PNPLA7: variants seen among roughly 807,000 people sequenced by gnomAD.
PNPLA7 encodes patatin-like phospholipase domain-containing protein 7.
Under a neutral mutation model 161.7 loss-of-function variants are expected in PNPLA7, and 153 were observed. That is an observed-to-expected ratio of 0.95 (90% confidence interval 0.83 to 1.08). The LOEUF is 1.08. Among genes scored for constraint, PNPLA7 ranks in the 50% least tolerant of loss-of-function variants. PNPLA7 has a pLI of 0.00. For synonymous variants in PNPLA7, 809 were observed against 782.1 expected (o/e 1.03, Z -0.57); for missense variants, 1,739 against 1,856.6 (o/e 0.94, Z 1.16).
In PNPLA7 at chr9:137,478,054, C is replaced by G; in HGVS notation, c.2862G>C (p.Val954=). 7.0e-7 allele frequency: 1 copy of G among 1,434,472 alleles called. No homozygotes were observed. Among genetic ancestry groups the G allele is most frequent in the Non-Finnish European group, 9.2e-7 (1 of 1,090,482 alleles). 88.9% of individuals were successfully genotyped at this position (1,434,472 alleles called of 1,614,324 possible). A position where few individuals can be genotyped will look rare whatever the true frequency, so the allele number is the denominator to read the frequency against. Residue 954 remains valine, a synonymous_variant, in exon 25 of 35, where the codon GTG becomes GTC. Transcript: ENST00000406427. The part of the protein sequence containing the change: ...RVLTGNAIAL[V]LGGGGARGCA... ...CTCACCTTGCTCCCCCTCCCCCAAG[C>G]ACCAGGGCAATGGCGTTGCCCGTCA...
chr9:137,545,674 A>G (rs1269503630), intron 4 of PNPLA7, among the ~76,000 whole-genome samples: 1 of 152,242 alleles, frequency 6.6e-6, no homozygotes, highest in Non-Finnish European at 1.5e-5. Flanking sequence ...CCAATATTAT[A>G]ATAATCCTCA....
chr9:137,463,340 C>T, intron 29 of PNPLA7, 75 bp downstream of exon 29: 4 of 1,310,706 alleles, frequency 3.1e-6, no homozygotes, highest in Non-Finnish European at 4.3e-6. Flanking sequence ...GCGGAGGCAG[C>T]TGTGGCAGGG....
intron 11 of PNPLA7, among the ~76,000 whole-genome samples, chr9:137,515,850 CA>C (rs1269526988): frequency 1.6e-5 from 1 of 62,166 alleles, no homozygotes; most frequent in African/African-American, 6.9e-5. Flanking sequence ...CCCCTCCCCC[CA>C]ATCCCTCTCC....
rs1564352552 is a variant in PNPLA7, at chr9:137,524,223, G to GC, written c.748-1367_748-1366insG. Among the ~76,000 whole-genome samples, 9 of 152,224 alleles carry GC rather than the reference G, an allele frequency of 5.9e-5. No homozygotes were observed. Among genetic ancestry groups the GC allele is most frequent in the African/African-American group, 2.2e-4 (9 of 41,450 alleles). ...ACAGAGTGTGGAGGCTTCCCTCAGC[G>GC]GTGTGACACACTCGAGATTCCCCCA... On this transcript the variant is annotated intron_variant, in intron 8 of 34. Coordinates refer to ENST00000406427, the MANE Select transcript of PNPLA7 (RefSeq NM_001098537.3). This position sits in a 1 kb window ranked among gnomAD's most constrained non-coding sequence, Gnocchi z 4.4.
chr9:137,508,424 G>A (rs1479783832), intron 12 of PNPLA7, among the ~76,000 whole-genome samples: 2 of 151,840 alleles, frequency 1.3e-5, no homozygotes, highest in Non-Finnish European at 2.9e-5. Flanking sequence ...AAAATTAGCT[G>A]GGCATGGTGG....
chr9:137,531,219 A>G (rs1332832241), intron 8 of PNPLA7, among the ~76,000 whole-genome samples: 1 of 152,066 alleles, frequency 6.6e-6, no homozygotes, highest in African/African-American at 2.4e-5. Flanking sequence ...CTCAAGGGAG[A>G]GACACCCCCA....
At chr9:137,501,473 C>T (rs1034900932) in intron 15 of PNPLA7, among the ~76,000 whole-genome samples, 177 bp downstream of exon 15, 1 of 152,218 alleles carries the variant, frequency 6.6e-6, no homozygotes, top group Non-Finnish European at 1.5e-5. Context: ...ACACAGCTCT[C>T]AGGGCTCAGG....
intron 20 of PNPLA7, chr9:137,492,419 G>T: frequency 2.5e-5 from 5 of 197,438 alleles, no homozygotes; most frequent in East Asian, 2.3e-4. Context: ...GATACAGTTT[G>T]AAAAAAATTA....
intron 1 of PNPLA7, 92 bp downstream of exon 1, chr9:137,550,076 G>A (rs1836767141): frequency 3.3e-6 from 5 of 1,507,644 alleles, no homozygotes; most frequent in Admixed American, 1.7e-5. Context: ...GCCAAAGAGC[G>A]CGGCAGAGCA....
chr9:137,516,140 C>T (rs764961757), intron 11 of PNPLA7, among the ~76,000 whole-genome samples: 14 of 86,818 alleles, frequency 1.6e-4, no homozygotes, highest in Non-Finnish European at 3.1e-4. Flanking sequence ...CTGCCCCATT[C>T]CGAGGCCTTG....
intron 8 of PNPLA7, among the ~76,000 whole-genome samples, chr9:137,528,702 C>T (rs1024877776): frequency 1.3e-5 from 2 of 151,494 alleles, no homozygotes; most frequent in Non-Finnish European, 2.9e-5. Context: ...TATCTTCTTC[C>T]AGCCTTTTTT....
At position 137,520,058 on chromosome 9, in the gene PNPLA7, G is replaced by A; in HGVS notation, c.958-15C>T. On this transcript the variant is annotated splice_polypyrimidine_tract_variant and intron_variant, in intron 10 of 34. Coordinates refer to ENST00000406427, the MANE Select transcript of PNPLA7 (RefSeq NM_001098537.3). This position sits in a 1 kb window ranked among gnomAD's most constrained non-coding sequence, Gnocchi z 5.2. Reference sequence around the variant, plus strand: ...GCCTGGCTCTCCTGGGACACAAGAAGGAAGTTCAGTGCCACCCCAGGAACA... The same window carrying A: ...GCCTGGCTCTCCTGGGACACAAGAAAGAAGTTCAGTGCCACCCCAGGAACA... 6.2e-7 allele frequency: 1 copy of A among 1,611,572 alleles called. No homozygotes were observed. The highest frequency in any genetic ancestry group is 2.2e-5 in the East Asian group (1 of 44,886).
intron 4 of PNPLA7, among the ~76,000 whole-genome samples, chr9:137,544,394 C>T (rs1836373907): frequency 6.6e-6 from 1 of 152,240 alleles, no homozygotes; most frequent in Non-Finnish European, 1.5e-5. Context: ...CATGGCTTTC[C>T]TCCCAGGCCC....
rs1197864169 is a variant in PNPLA7 at position 137,470,599 on chromosome 9, G to A, written c.2883-3126C>T. The stretch of plus-strand genomic sequence containing the variant: ...TTTTTAAAAACCTTCTAGAGAATAG[G>A]AAAAGAAGATGAACTTCCCACTTAA... On this transcript the variant is annotated intron_variant, in intron 25 of 34. Transcript: ENST00000406427. 2.0e-5 allele frequency among the ~76,000 whole-genome samples: 3 copies of A among 151,724 alleles called. No homozygotes were observed. The East Asian group carries it at 5.8e-4, about 29-fold the overall frequency.
intron 33 of PNPLA7, 69 bp from the exon 34 acceptor site, chr9:137,460,806 C>A: frequency 6.9e-7 from 1 of 1,445,284 alleles, no homozygotes; most frequent in Non-Finnish European, 9.5e-7. Flanking sequence ...TAGCCACACT[C>A]AGAGGCAGAA....
chr9:137,479,129 C>T lies in PNPLA7; in HGVS notation c.2690G>A (p.Arg897Gln), dbSNP rs116390788. 1.1e-4 allele frequency: 172 copies of T among 1,596,248 alleles called. 1 individual carries two copies. In the South Asian group the frequency reaches 1.4e-3, roughly 13 times the overall value. ...PARTVEWLNM[R>Q]SWCSGHLHLC... is the part of the protein sequence containing the mutation. The stretch of plus-strand genomic sequence containing the variant: ...GTGCAGGTGGCCGGAGCACCAGCTC[C>T]GCATGTTGAGCCACTCCACGGTGCG... Residue 897 changes from arginine (R) to glutamine (Q), a missense_variant, in exon 24 of 35, where the codon CGG (arginine) becomes CAG (glutamine). By Grantham distance (43) the Arg-to-Gln change is conservative. Transcript: ENST00000406427.
intron 8 of PNPLA7, among the ~76,000 whole-genome samples, chr9:137,535,152 T>G (rs1280841525): frequency 6.6e-6 from 1 of 151,958 alleles, no homozygotes; most frequent in Non-Finnish European, 1.5e-5. Context: ...TAGCTGAGCC[T>G]CAGGTGAGTG....
At chr9:137,526,689 A>T (rs904377388) in intron 8 of PNPLA7, among the ~76,000 whole-genome samples, 1 of 152,206 alleles carries the variant, frequency 6.6e-6, no homozygotes, top group Non-Finnish European at 1.5e-5. Flanking sequence ...GTGGCCTGGG[A>T]ACTCCCAAGT....
Position 137,460,281 on chromosome 9 carries a change from A to T in PNPLA7, c.*112T>A, listed in dbSNP as rs929137701. 9.2e-7 allele frequency: 1 copy of T among 1,092,524 alleles called. No homozygotes were observed. Among genetic ancestry groups the T allele is most frequent in the African/African-American group, 1.6e-5 (1 of 62,534 alleles). 67.7% of individuals were successfully genotyped at this position (1,092,524 alleles called of 1,614,324 possible). Reference sequence around the variant, plus strand: ...CTAACACAGCCTGGGGCCCCGGGGAAGTCAGGGCTTCCAGCAGGGCAGGTA... The same window carrying T: ...CTAACACAGCCTGGGGCCCCGGGGATGTCAGGGCTTCCAGCAGGGCAGGTA... On this transcript the variant is annotated 3_prime_UTR_variant, in exon 35 of 35. Coordinates refer to ENST00000406427, the MANE Select transcript of PNPLA7 (RefSeq NM_001098537.3).
Sources: allele counts gnomAD v4.1 joint callset (sites outside exome capture counted in the v4.1 genomes callset), GRCh38; gene constraint gnomAD v4.1.1; non-coding constraint Gnocchi (gnomAD v3.1); transcripts MANE v1.5; gene names NCBI Gene and HGNC (gene_info 2026-07-23, HGNC 2026-07-21).